Variants in TAFA2 observed in about 807,000 individuals in gnomAD.
The protein encoded by TAFA2 is TAFA chemokine like family member 2.
In TAFA2, 7 loss-of-function variants were observed where a neutral mutation model predicts 18.8. The ratio of observed to expected loss-of-function variants is 0.37; its 90% CI spans 0.21 to 0.70. The LOEUF (loss-of-function observed/expected upper bound fraction) is 0.70. Among genes scored for constraint, TAFA2 ranks in the 30% least tolerant of loss-of-function variants. TAFA2 has a pLI of 0.53. For missense variants in TAFA2, 122 were observed against 158.1 expected, an observed-to-expected ratio of 0.77 and a Z score of 1.23; for synonymous variants, 60 against 54.2, an observed-to-expected ratio of 1.11 and a Z score of -0.47.
chr12:62,049,602 G>A (rs1417008480), intron 1 of TAFA2, among the ~76,000 whole-genome samples: 1 of 152,074 alleles, frequency 6.6e-6, no homozygotes, highest in Non-Finnish European at 1.5e-5. Context: ...AGGAGAATAT[G>A]AAAAACCCTT....
chr12:61,741,389 T>C (rs1172571064), intron 4 of TAFA2, among the ~76,000 whole-genome samples: 1 of 151,962 alleles, frequency 6.6e-6, no homozygotes, highest in Non-Finnish European at 1.5e-5. Context: ...GAAGATAGTC[T>C]AGTTGAGAAA....
intron 1 of TAFA2, among the ~76,000 whole-genome samples, chr12:61,980,284 G>C (rs913252818): frequency 6.6e-6 from 1 of 152,022 alleles, no homozygotes; most frequent in Non-Finnish European, 1.5e-5. Flanking sequence ...CAATAAACTA[G>C]GTATTGATAG....
chr12:62,189,684 G>C (rs922497345), intron 1 of TAFA2, among the ~76,000 whole-genome samples: 3 of 152,046 alleles, frequency 2.0e-5, no homozygotes, highest in African/African-American at 7.2e-5. Flanking sequence ...GGTTATTTTG[G>C]TTTAGCACTT....
intron 2 of TAFA2, among the ~76,000 whole-genome samples, chr12:61,771,620 CT>C (rs1447407888): frequency 2.0e-5 from 3 of 151,860 alleles, no homozygotes; most frequent in African/African-American, 4.8e-5. Context: ...TAATTTGCCC[CT>C]GAATGATTGT....
At chr12:61,832,647 C>T (rs1403006467) in intron 2 of TAFA2, among the ~76,000 whole-genome samples, 2 of 152,058 alleles carry the variant, frequency 1.3e-5, no homozygotes, top group African/African-American at 4.8e-5. Context: ...ATTAACAGCC[C>T]TACTGCTGGC....
intron 1 of TAFA2, among the ~76,000 whole-genome samples, chr12:61,942,790 A>C (rs1161073994): frequency 1.5e-4 from 2 of 13,690 alleles, no homozygotes; most frequent in African/African-American, 6.5e-4. Context: ...CCTCCAAGAA[A>C]TATGGGACTA....
chr12:61,995,601 A>G (rs1880158785), intron 1 of TAFA2, among the ~76,000 whole-genome samples: 1 of 152,158 alleles, frequency 6.6e-6, no homozygotes. Flanking sequence ...TTCATAGGGT[A>G]CTCAGCAAAC....
Position 61,818,773 on chromosome 12 carries a change from C to A in TAFA2, c.106+48547G>T, listed in dbSNP as rs146807116. Among the ~76,000 whole-genome samples the A allele has an allele frequency of 7.1e-3, 1,085 of 152,208 alleles. 10 individuals are homozygous for A. Among genetic ancestry groups the A allele is most frequent in the Non-Finnish European group, 9.5e-3 (646 of 68,004 alleles). On this transcript the variant is annotated intron_variant, in intron 2 of 4. Coordinates refer to ENST00000416284, the MANE Select transcript of TAFA2 (RefSeq NM_178539.5). ...TTCAAAATGCTTGTATAGTGAGAGA[C>A]TGAGTAGCAAGGAAGCTATAATTTT...
Position 61,714,862 on chromosome 12 carries a change from G to A in TAFA2, c.385-4445C>T, listed in dbSNP as rs573284100. ...TCAAGTCCTGCTGACTAGGTTATCC[G>A]CAGGAGGTAACATATTATGGTGAGA... On this transcript the variant is annotated intron_variant, in intron 4 of 4. Transcript: ENST00000416284. Among the ~76,000 whole-genome samples, 11 of 152,246 alleles carry A rather than the reference G, an allele frequency of 7.2e-5. No homozygotes were observed. The East Asian group carries it at 7.7e-4, about 11-fold the overall frequency.
intron 1 of TAFA2, among the ~76,000 whole-genome samples, chr12:62,106,875 G>T (rs922347249): frequency 4.9e-5 from 1 of 20,524 alleles, no homozygotes; most frequent in Non-Finnish European, 2.3e-4. Flanking sequence ...GTTTTCCAAA[G>T]GATCACCGTA....
At chr12:62,089,832 T>C (rs1413362790) in intron 1 of TAFA2, among the ~76,000 whole-genome samples, 1 of 152,114 alleles carries the variant, frequency 6.6e-6, no homozygotes, top group Non-Finnish European at 1.5e-5. Flanking sequence ...ACATACTTGA[T>C]TCCACTTTTG....
intron 1 of TAFA2, among the ~76,000 whole-genome samples, chr12:62,003,760 T>C (rs138476959): frequency 6.6e-6 from 1 of 152,364 alleles, no homozygotes; most frequent in East Asian, 1.9e-4. Context: ...ATATTCCAAG[T>C]ACCATGAGCA....
intron 1 of TAFA2, among the ~76,000 whole-genome samples, chr12:61,933,024 A>T (rs1425536577): frequency 6.6e-6 from 1 of 152,188 alleles, no homozygotes; most frequent in African/African-American, 2.4e-5. Flanking sequence ...GCCAGCAGAA[A>T]ATTGAATTGA....
intron 1 of TAFA2, among the ~76,000 whole-genome samples, chr12:61,873,669 TCTTA>T (rs1874717808): frequency 1.3e-5 from 2 of 152,210 alleles, no homozygotes; most frequent in Admixed American, 1.3e-4. Context: ...CATTCTTTGT[TCTTA>T]CTAATAGATT....
At chr12:61,872,368 G>C (rs967465901) in intron 1 of TAFA2, among the ~76,000 whole-genome samples, 3 of 152,022 alleles carry the variant, frequency 2.0e-5, no homozygotes, top group Non-Finnish European at 2.9e-5. Context: ...CAAACTTGGT[G>C]TTAACTAGTT....
rs1407409956 is a variant in TAFA2, at chr12:62,168,023, A to G, written c.-2+23236T>C. The stretch of plus-strand genomic sequence containing the variant: ...AAAAAACTCATTAGCAATCTTTGAA[A>G]GATGCTAAAGATTCCACTAATATTT... On this transcript the variant is annotated intron_variant, in intron 1 of 4. Transcript: ENST00000416284. Among the ~76,000 whole-genome samples, 8 of 152,200 alleles carry G rather than the reference A, an allele frequency of 5.3e-5. No individual in the cohort carries two copies. The East Asian group carries it at 1.3e-3, about 26-fold the overall frequency.
chr12:61,935,491 C>A (rs1877724417), intron 1 of TAFA2, among the ~76,000 whole-genome samples: 1 of 152,152 alleles, frequency 6.6e-6, no homozygotes, highest in Admixed American at 6.5e-5. Context: ...ATTTCAAAGT[C>A]CATCCAATAT....
intron 1 of TAFA2, among the ~76,000 whole-genome samples, chr12:62,157,635 T>A (rs1482204047): frequency 6.6e-6 from 1 of 152,148 alleles, no homozygotes; most frequent in Admixed American, 6.6e-5. Flanking sequence ...TGCTGTCCGC[T>A]CCTCAGTTTT....
intron 1 of TAFA2, among the ~76,000 whole-genome samples, chr12:62,228,000 G>T (rs2062795123): frequency 6.6e-6 from 1 of 151,834 alleles, no homozygotes. Flanking sequence ...ATGTTGTTTT[G>T]GTTACTATGG....
Sources: allele counts gnomAD v4.1 joint callset (sites outside exome capture counted in the v4.1 genomes callset), GRCh38; gene constraint gnomAD v4.1.1; transcripts MANE v1.5; gene names NCBI Gene and HGNC (gene_info 2026-07-23, HGNC 2026-07-21).